COL5A2: variants seen among roughly 807,000 people sequenced by gnomAD.
COL5A2 encodes collagen alpha-2(V) chain.
A neutral mutation model predicts 208.2 loss-of-function variants in COL5A2; 23 were observed. That is an observed-to-expected ratio of 0.11 (90% confidence interval 0.08 to 0.16). The LOEUF (loss-of-function observed/expected upper bound fraction) is 0.16, where lower values mean the gene tolerates loss of function less well. Among genes scored for constraint, COL5A2 ranks in the 10% least tolerant of loss-of-function variants. The pLI, the probability that COL5A2 is intolerant of heterozygous loss-of-function variation, is 1.00. For synonymous variants in COL5A2, 625 were observed against 628.5 expected, an observed-to-expected ratio of 0.99 and a Z score of 0.08; for missense variants, 1,590 against 1,956.4, an observed-to-expected ratio of 0.81 and a Z score of 3.53.
the COL5A2 span, among the ~76,000 whole-genome samples, chr2:189,282,424 T>C: frequency 6.6e-6 from 1 of 152,176 alleles, no homozygotes; most frequent in Admixed American, 6.5e-5. Flanking sequence ...AGAAGCATGA[T>C]AGTATAAAAC....
intron 5 of COL5A2, chr2:189,097,732 T>C: frequency 2.2e-6 from 1 of 459,850 alleles, no homozygotes; most frequent in Non-Finnish European, 4.4e-6. Flanking sequence ...ATACAAATTA[T>C]CAATTATTCC....
intron 1 of COL5A2, among the ~76,000 whole-genome samples, chr2:189,178,692 C>A (rs1688724543): frequency 7.2e-6 from 1 of 138,646 alleles, no homozygotes. Context: ...ATGTGGTCAC[C>A]AGGCAAGATT....
At chr2:189,374,543 C>T in the COL5A2 span, among the ~76,000 whole-genome samples, 1 of 151,860 alleles carries the variant, frequency 6.6e-6, no homozygotes, top group Non-Finnish European at 1.5e-5. Context: ...GAATGCATTG[C>T]TTAAAAAATT....
chr2:189,402,427 G>T, the COL5A2 span, among the ~76,000 whole-genome samples: 1 of 152,102 alleles, frequency 6.6e-6, no homozygotes, highest in African/African-American at 2.4e-5. Flanking sequence ...CATCATGTTG[G>T]CCTGGATGGT....
At chr2:189,285,601 G>A in the COL5A2 span, among the ~76,000 whole-genome samples, 3 of 152,168 alleles carry the variant, frequency 2.0e-5, no homozygotes, top group Admixed American at 6.6e-5. Flanking sequence ...CAGCTACCAC[G>A]GCAGAACAAG....
the COL5A2 span, among the ~76,000 whole-genome samples, chr2:189,284,983 G>C: frequency 4.5e-4 from 68 of 151,094 alleles, 1 homozygote; most frequent in African/African-American, 1.6e-3. Context: ...TGTTGTTATT[G>C]TTTATTTTAT....
At chr2:189,052,857 C>T in intron 39 of COL5A2, 54 bp downstream of exon 39, 2 of 1,610,770 alleles carry the variant, frequency 1.2e-6, no homozygotes, top group African/African-American at 1.3e-5. Flanking sequence ...GCTGAATGTA[C>T]ACTCCAAACA....
At chr2:189,280,059 T>C in the COL5A2 span, among the ~76,000 whole-genome samples, 3 of 152,144 alleles carry the variant, frequency 2.0e-5, no homozygotes, top group African/African-American at 7.2e-5. Flanking sequence ...CAGCTGTCTA[T>C]GAACCAAGAA....
Position 189,063,033 on chromosome 2 carries a change from T to A in COL5A2, c.1900A>T (p.Asn634Tyr). 6.2e-7 allele frequency: 1 copy of A among 1,614,226 alleles called. No individual in the cohort carries two copies. Reference sequence around the variant, plus strand: ...ACCCTCTGCCCAGGAACTCCAGCATTTCCTGCTTCTCCAGGTTTCCCAGGG... The same window carrying A: ...ACCCTCTGCCCAGGAACTCCAGCATATCCTGCTTCTCCAGGTTTCCCAGGG... ...GDPGKPGEAG[N>Y]AGVPGQRGAP... is the part of the protein sequence containing the mutation. The change falls in exon 28 of 54, where the codon AAT becomes TAT. Residue 634 changes from asparagine to tyrosine, a missense_variant. Coordinates refer to ENST00000374866, the MANE Select transcript of COL5A2 (RefSeq NM_000393.5).
intron 2 of COL5A2, among the ~76,000 whole-genome samples, chr2:189,108,986 G>A (rs372244303): frequency 1.8e-5 from 2 of 109,012 alleles, no homozygotes; most frequent in Non-Finnish European, 3.9e-5. Context: ...TTTTTTTTTG[G>A]TTCACGGTAA....
At chr2:189,434,226 C>G in the COL5A2 span, among the ~76,000 whole-genome samples, 1 of 152,146 alleles carries the variant, frequency 6.6e-6, no homozygotes, top group Admixed American at 6.5e-5. Flanking sequence ...GAATATCATA[C>G]TGAATGGGCA....
At chr2:189,100,186 G>A in intron 3 of COL5A2, 47 bp from the exon 4 acceptor site, 1 of 1,471,272 alleles carries the variant, frequency 6.8e-7, no homozygotes, top group Non-Finnish European at 9.5e-7. Context: ...ACAATATAAT[G>A]GCTTGCTGGG....
intron 1 of COL5A2, among the ~76,000 whole-genome samples, chr2:189,177,948 G>T (rs1330379664): frequency 1.3e-5 from 2 of 152,078 alleles, no homozygotes; most frequent in Non-Finnish European, 2.9e-5. Flanking sequence ...TGGTATTAAA[G>T]GTTTTAAATT....
At chr2:189,316,173 A>G in the COL5A2 span, among the ~76,000 whole-genome samples, 1 of 152,134 alleles carries the variant, frequency 6.6e-6, no homozygotes, top group Non-Finnish European at 1.5e-5. Flanking sequence ...TGTTCCTTGA[A>G]CCACTATTCA....
the COL5A2 span, among the ~76,000 whole-genome samples, chr2:189,343,798 T>C: frequency 1.3e-5 from 2 of 152,144 alleles, no homozygotes; most frequent in African/African-American, 4.8e-5. Flanking sequence ...GTCCAAAAAG[T>C]CACACAAAGG....
chr2:189,311,711 A>C, the COL5A2 span: 1 of 756,010 alleles, frequency 1.3e-6, no homozygotes. Flanking sequence ...CATGGTGACC[A>C]CTGTGGTCTC....
the COL5A2 span, among the ~76,000 whole-genome samples, chr2:189,418,022 T>A: frequency 1.3e-5 from 2 of 152,142 alleles, no homozygotes; most frequent in South Asian, 2.1e-4. Flanking sequence ...TTTATTTTTT[T>A]AATTTGTAAT....
At chr2:189,212,503 G>A (rs1689226338) in intron 1 of COL5A2, among the ~76,000 whole-genome samples, 1 of 151,960 alleles carries the variant, frequency 6.6e-6, no homozygotes, top group African/African-American at 2.4e-5. Context: ...GCTGGGCGTG[G>A]TGGTGGGCGC....
At chr2:189,098,255 T>C (rs577769863) in intron 5 of COL5A2, among the ~76,000 whole-genome samples, 2 of 152,348 alleles carry the variant, frequency 1.3e-5, no homozygotes, top group East Asian at 3.9e-4. Context: ...TGTGTATATG[T>C]TATGAATACT....
Sources: gnomAD v4.1 joint callset for allele counts (sites outside exome capture counted in the v4.1 genomes callset) on GRCh38, gnomAD v4.1.1 for gene constraint, MANE v1.5 for transcripts, NCBI Gene and HGNC (gene_info 2026-07-23, HGNC 2026-07-21) for gene names.